The following ENPEP variants were observed in gnomAD, a reference collection of about 807,000 sequenced individuals.
The protein encoded by ENPEP is glutamyl aminopeptidase.
ENPEP carries 103 observed loss-of-function variants against 114.5 expected under a neutral mutation model. The observed-to-expected ratio is 0.90, with a 90% CI of 0.77 to 1.06. ENPEP has a LOEUF of 1.06. Ranked by LOEUF, ENPEP falls within the 50% of genes least tolerant of loss-of-function variation. ENPEP has a pLI of 0.00. For missense variants in ENPEP, 1,196 were observed against 1,161.3 expected (o/e 1.03, Z -0.43); for synonymous variants, 420 against 422.0 (o/e 1.00, Z 0.06).
At chr4:110,513,992 CT>C (rs1725672559) in intron 7 of ENPEP, among the ~76,000 whole-genome samples, 1 of 152,014 alleles carries the variant, frequency 6.6e-6, no homozygotes, top group South Asian at 2.1e-4. Context: ...ACTTTTATTC[CT>C]TTTTAGAAGA....
At chr4:110,479,674 G>A (rs911920337) in intron 1 of ENPEP, among the ~76,000 whole-genome samples, 1 of 152,030 alleles carries the variant, frequency 6.6e-6, no homozygotes, top group Non-Finnish European at 1.5e-5. Flanking sequence ...CGAGGGAAGG[G>A]CAATATTCTG....
At chr4:110,513,038 T>C (rs534727208) in intron 6 of ENPEP, 2 of 155,192 alleles carry the variant, frequency 1.3e-5, no homozygotes, top group Admixed American at 6.5e-5. Flanking sequence ...CAAATTGATA[T>C]GCAACCTCTC....
intron 10 of ENPEP, among the ~76,000 whole-genome samples, chr4:110,523,671 A>G (rs537399640): frequency 6.6e-6 from 1 of 152,334 alleles, no homozygotes; most frequent in South Asian, 2.1e-4. Flanking sequence ...CATTTTTGTT[A>G]TGGTGGCAGA....
At chr4:110,548,365 T>A in intron 14 of ENPEP, 39 bp downstream of exon 14, 1 of 1,465,790 alleles carries the variant, frequency 6.8e-7, no homozygotes, top group Middle Eastern at 1.9e-4. Flanking sequence ...AAGTAAATGT[T>A]TAGCCATTAG....
intron 8 of ENPEP, among the ~76,000 whole-genome samples, chr4:110,517,568 G>C (rs553788826): frequency 2.6e-5 from 4 of 152,044 alleles, no homozygotes; most frequent in Non-Finnish European, 5.9e-5. Context: ...AAAATGAATA[G>C]CTATCCTAAT....
chr4:110,494,860 T>C (rs1197378277), intron 3 of ENPEP, among the ~76,000 whole-genome samples: 2 of 152,218 alleles, frequency 1.3e-5, no homozygotes, highest in Admixed American at 1.3e-4. Flanking sequence ...AGGAATTTTT[T>C]ACAATTCTGC....
intron 1 of ENPEP, among the ~76,000 whole-genome samples, chr4:110,483,802 A>G (rs909521281): frequency 1.3e-5 from 2 of 152,230 alleles, no homozygotes; most frequent in Non-Finnish European, 2.9e-5. Flanking sequence ...TTGCAAGACA[A>G]GTCATCTGAT....
chr4:110,538,963 A>G (rs893561349), intron 11 of ENPEP, among the ~76,000 whole-genome samples: 2 of 152,164 alleles, frequency 1.3e-5, no homozygotes, highest in Non-Finnish European at 2.9e-5. Flanking sequence ...ACACTTACCG[A>G]TTAAGTTCTC....
chr4:110,503,905 G>A (rs1029192262), intron 3 of ENPEP, among the ~76,000 whole-genome samples: 1 of 152,234 alleles, frequency 6.6e-6, no homozygotes, highest in Admixed American at 6.5e-5. Flanking sequence ...ATAATGGCCA[G>A]TAGTTAGGCT....
In ENPEP at chr4:110,488,604, G is replaced by T; in HGVS notation, c.708G>T (p.Glu236Asp). The T allele has an allele frequency of 3.7e-6, 6 of 1,613,856 alleles. No homozygotes were observed. The highest frequency in any genetic ancestry group is 5.1e-6 in the Non-Finnish European group (6 of 1,179,936). Residue 236 changes from glutamate (E) to aspartate (D), a missense_variant, in exon 2 of 20, where the codon GAG becomes GAT. Glu to Asp is a conservative substitution (Grantham distance 45). Transcript: ENST00000265162. ...DARKSFPCFD[E>D]PNKKATYTIS... ...GGAAATCTTTTCCTTGTTTTGATGAGCCCAACAAAAAGGCAACTTATACAA... is the reference window on the plus strand; with the variant it reads ...GGAAATCTTTTCCTTGTTTTGATGATCCCAACAAAAAGGCAACTTATACAA...
intron 13 of ENPEP, among the ~76,000 whole-genome samples, chr4:110,544,205 T>C (rs899178316): frequency 1.3e-5 from 2 of 152,106 alleles, no homozygotes; most frequent in Non-Finnish European, 2.9e-5. Context: ...TTAACTTCTC[T>C]CTGGCTCAAT....
intron 2 of ENPEP, among the ~76,000 whole-genome samples, chr4:110,489,150 A>G (rs1724608683): frequency 6.6e-6 from 1 of 152,102 alleles, no homozygotes; most frequent in Non-Finnish European, 1.5e-5. Flanking sequence ...AGCAAACTCC[A>G]GGGAACACTT....
chr4:110,549,804 T>C lies in ENPEP; in HGVS notation c.2419T>C (p.Tyr807His). ...EISWNYTLEQ[Y>H]QKTSLAQEKE... ...TTCATGGAACTACACTCTTGAGCAATACCAGAAAACTTCATTAGCTCAAGA... is the reference window on the plus strand; with the variant it reads ...TTCATGGAACTACACTCTTGAGCAACACCAGAAAACTTCATTAGCTCAAGA... Residue 807 changes from tyrosine to histidine, a missense_variant, in exon 17 of 20, where the codon TAC (tyrosine) becomes CAC (histidine). Transcript: ENST00000265162. 6.2e-7 allele frequency: 1 copy of C among 1,613,400 alleles called. No individual in the cohort carries two copies. The highest frequency in any genetic ancestry group is 8.5e-7 in the Non-Finnish European group (1 of 1,179,564).
intron 11 of ENPEP, among the ~76,000 whole-genome samples, chr4:110,538,493 T>C (rs1263963442): frequency 6.6e-6 from 1 of 152,166 alleles, no homozygotes; most frequent in Non-Finnish European, 1.5e-5. Context: ...AGGCTTTGGA[T>C]TAAGGGAATG....
intron 13 of ENPEP, among the ~76,000 whole-genome samples, chr4:110,543,437 G>A (rs1194334470): frequency 6.6e-6 from 1 of 152,046 alleles, no homozygotes; most frequent in Non-Finnish European, 1.5e-5. Flanking sequence ...TCAGTTCTGT[G>A]AGCCCGAGCC....
chr4:110,506,020 T>C lies in ENPEP; in HGVS notation c.919-617T>C, dbSNP rs559930043. 1.2e-3 allele frequency among the ~76,000 whole-genome samples: 186 copies of C among 152,296 alleles called. 3 individuals carry two copies. Among genetic ancestry groups the C allele is most frequent in the African/African-American group, 4.3e-3 (177 of 41,556 alleles). ...TTGATGTAGCTTACCAAGATGACTT[T>C]CTCTCAGGGAAAGTTTGGATCATTA... On this transcript the variant is annotated intron_variant, in intron 3 of 19. Transcript: ENST00000265162.
rs942817101 is a variant in ENPEP at position 110,501,677 on chromosome 4, T to C, written c.919-4960T>C. On this transcript the variant is annotated intron_variant, in intron 3 of 19. Transcript: ENST00000265162. ...TATATACCACATTTTATTTATCCAG[T>C]CTACTGTTGATGAAAATAAGTTGAT... Among the ~76,000 whole-genome samples the C allele has an allele frequency of 1.2e-4, 18 of 152,332 alleles. 1 individual carries two copies. In the South Asian group the frequency reaches 3.7e-3, roughly 32 times the overall value.
intron 18 of ENPEP, among the ~76,000 whole-genome samples, chr4:110,555,806 C>G (rs953307148): frequency 6.6e-6 from 1 of 151,526 alleles, no homozygotes; most frequent in Admixed American, 6.6e-5. Flanking sequence ...AATATTGAAT[C>G]CAAGAAGACA....
chr4:110,505,466 G>A (rs1430975314), intron 3 of ENPEP, among the ~76,000 whole-genome samples: 1 of 152,144 alleles, frequency 6.6e-6, no homozygotes, highest in Non-Finnish European at 1.5e-5. Context: ...GTAATTTAAG[G>A]GATGCTCTTT....
Sources: gnomAD v4.1 joint callset for allele counts (sites outside exome capture counted in the v4.1 genomes callset) on GRCh38, gnomAD v4.1.1 for gene constraint, MANE v1.5 for transcripts, NCBI Gene and HGNC (gene_info 2026-07-23, HGNC 2026-07-21) for gene names.